The following KCNK2 variants were observed in gnomAD, a reference collection of about 807,000 sequenced individuals.
KCNK2 encodes the protein potassium two pore domain channel subfamily K member 2.
Under a neutral mutation model 40.5 loss-of-function variants are expected in KCNK2, and 21 were observed. The observed-to-expected ratio is 0.52, with a 90% CI of 0.37 to 0.75. The LOEUF (loss-of-function observed/expected upper bound fraction) is 0.75, where lower values mean the gene tolerates loss of function less well. Ranked by LOEUF, KCNK2 falls within the 30% of genes least tolerant of loss-of-function variation. The pLI is 0.00. For synonymous variants in KCNK2, 191 were observed against 202.2 expected, an observed-to-expected ratio of 0.94 and a Z score of 0.47; for missense variants, 399 against 531.6, an observed-to-expected ratio of 0.75 and a Z score of 2.45.
chr1:215,064,116 G>T (rs1658453172), intron 1 of KCNK2, among the ~76,000 whole-genome samples: 1 of 152,040 alleles, frequency 6.6e-6, no homozygotes, highest in South Asian at 2.1e-4. Context: ...GCATTTTTTT[G>T]ATCGTAATAG....
At chr1:215,139,998 A>C (rs1475460731) in intron 3 of KCNK2, among the ~76,000 whole-genome samples, 1 of 152,190 alleles carries the variant, frequency 6.6e-6, no homozygotes, top group East Asian at 1.9e-4. Flanking sequence ...ATTATACCAT[A>C]ATCACTGATT....
chr1:215,093,742 A>AAAAATATATTATATATTATATAATAT lies in KCNK2; in HGVS notation c.357+7087_357+7112dup, dbSNP rs1558087698. Reference sequence around the variant, plus strand: ...TATAAAAATATATAATATATAATATAAAAATATATTATATATTATATAATA... The same window carrying AAAAATATATTATATATTATATAATAT: ...TATAAAAATATATAATATATAATATAAAAATATATTATATATTATATAATATAAAATATATTATATATTATATAATA... On this transcript the variant is annotated intron_variant, in intron 2 of 6. Transcript: ENST00000444842. Among the ~76,000 whole-genome samples the AAAAATATATTATATATTATATAATAT allele has an allele frequency of 4.1e-3, 228 of 55,308 alleles. 2 individuals carry two copies. Among genetic ancestry groups the AAAAATATATTATATATTATATAATAT allele is most frequent in the Non-Finnish European group, 5.1e-3 (182 of 35,492 alleles). 36.3% of individuals were successfully genotyped at this position (55,308 alleles called of 152,430 possible).
chr1:215,116,306 T>C lies in KCNK2; in HGVS notation c.358-8327T>C, dbSNP rs1031870246. Among the ~76,000 whole-genome samples, 6 of 152,112 alleles carry C rather than the reference T, an allele frequency of 3.9e-5. No individual in the cohort carries two copies. In the East Asian group the frequency reaches 5.8e-4, roughly 15 times the overall value. ...TGAATATATGCATGTTGCAAAATACTGTTTTAGGAACCGTGACTGATTTTT... is the reference window on the plus strand; with the variant it reads ...TGAATATATGCATGTTGCAAAATACCGTTTTAGGAACCGTGACTGATTTTT... On this transcript the variant is annotated intron_variant, in intron 2 of 6. Transcript: ENST00000444842.
intron 3 of KCNK2, among the ~76,000 whole-genome samples, chr1:215,135,490 A>G (rs1361547684): frequency 6.6e-6 from 1 of 151,894 alleles, no homozygotes; most frequent in Non-Finnish European, 1.5e-5. Context: ...TATTTTTTAC[A>G]TATTTATTTC....
chr1:215,220,063 G>C (rs1247040169), intron 6 of KCNK2, among the ~76,000 whole-genome samples: 2 of 152,100 alleles, frequency 1.3e-5, no homozygotes, highest in Non-Finnish European at 2.9e-5. Context: ...TGGCTAATGG[G>C]GGTATCACTG....
chr1:215,209,431 A>ATTATAT (rs562818509), intron 6 of KCNK2, among the ~76,000 whole-genome samples: 468 of 10,886 alleles, frequency 0.043, 12 homozygotes, highest in African/African-American at 0.11. Flanking sequence ...TAATATATAT[A>ATTATAT]ATATAAAATA....
At chr1:215,019,178 G>C (rs1656700465) in intron 1 of KCNK2, among the ~76,000 whole-genome samples, 1 of 152,128 alleles carries the variant, frequency 6.6e-6, no homozygotes, top group African/African-American at 2.4e-5. Context: ...AAAATTGGTA[G>C]GTCCTCTTCA....
chr1:215,065,404 G>A (rs1054146040), intron 1 of KCNK2, among the ~76,000 whole-genome samples: 6 of 149,496 alleles, frequency 4.0e-5, no homozygotes, highest in Non-Finnish European at 4.5e-5. Context: ...CAAATATTCA[G>A]AAAAAAAAAA....
At chr1:215,126,272 A>G (rs1558103083) in intron 3 of KCNK2, among the ~76,000 whole-genome samples, 1 of 152,112 alleles carries the variant, frequency 6.6e-6, no homozygotes, top group Non-Finnish European at 1.5e-5. Flanking sequence ...TACATACTTT[A>G]GCATGCTGAT....
At chr1:215,213,598 CA>C (rs1247897106) in intron 6 of KCNK2, among the ~76,000 whole-genome samples, 1 of 151,892 alleles carries the variant, frequency 6.6e-6, no homozygotes, top group Non-Finnish European at 1.5e-5. Context: ...GTGACAAGAG[CA>C]AAACTCTGTC....
chr1:215,185,348 C>G (rs1351533594), intron 5 of KCNK2, among the ~76,000 whole-genome samples: 2 of 152,062 alleles, frequency 1.3e-5, no homozygotes, highest in Non-Finnish European at 2.9e-5. Context: ...GTACTGTAAT[C>G]TTTACATTCC....
intron 3 of KCNK2, among the ~76,000 whole-genome samples, chr1:215,148,218 T>A (rs1455652199): frequency 6.6e-6 from 1 of 151,080 alleles, no homozygotes; most frequent in African/African-American, 2.4e-5. Context: ...CTACTGGGAC[T>A]GCAGGTGCAT....
chr1:215,235,196 G>A lies in KCNK2; in HGVS notation c.*51G>A. 6.8e-7 allele frequency: 1 copy of A among 1,470,564 alleles called. No individual in the cohort carries two copies. 91.1% of individuals were successfully genotyped at this position (1,470,564 alleles called of 1,614,324 possible). A position where few individuals can be genotyped will look rare whatever the true frequency, so the allele number is the denominator to read the frequency against. On this transcript the variant is annotated 3_prime_UTR_variant, in exon 7 of 7. Transcript: ENST00000444842. Reference sequence around the variant, plus strand: ...TAGCCATAGGTGAGGACTTCTCTATGCTCTTTATGACTGTTGCTGGTAGCA... The same window carrying A: ...TAGCCATAGGTGAGGACTTCTCTATACTCTTTATGACTGTTGCTGGTAGCA...
In KCNK2 at chr1:215,150,053, C is replaced by T. The variant is rs140861527; in HGVS notation, c.476-19146C>T. ...CGGAACTTCTGATTATAGAACTGAT[C>T]GTTATGATCTAGTAAGATCAGTCTT... On this transcript the variant is annotated intron_variant, in intron 3 of 6. Transcript: ENST00000444842. Among the ~76,000 whole-genome samples the T allele has an allele frequency of 2.5e-3, 386 of 152,174 alleles. 2 individuals are homozygous for T. The highest frequency in any genetic ancestry group is 9.2e-3 in the African/African-American group (380 of 41,528).
At chr1:215,228,576 A>AT (rs947514267) in intron 6 of KCNK2, among the ~76,000 whole-genome samples, 1 of 152,042 alleles carries the variant, frequency 6.6e-6, no homozygotes, top group African/African-American at 2.4e-5. Flanking sequence ...ATTCATTGTG[A>AT]TTTTTTGGAG....
At chr1:215,197,851 T>TCTCTAC (rs1664928557) in intron 6 of KCNK2, among the ~76,000 whole-genome samples, 1 of 151,994 alleles carries the variant, frequency 6.6e-6, no homozygotes, top group Non-Finnish European at 1.5e-5. Context: ...AATACAAAAA[T>TCTCTAC]TAGCTGGGCA....
chr1:215,083,180 G>C lies in KCNK2; in HGVS notation c.-206G>C, dbSNP rs1659248683. 1 of 1,133,396 alleles carries C rather than the reference G, an allele frequency of 8.8e-7. No homozygotes were observed. The highest frequency in any genetic ancestry group is 1.3e-6 in the Non-Finnish European group (1 of 789,046). The allele number at this position is 1,133,396 out of a possible 1,614,324, so 70.2% of individuals were successfully genotyped here. A position where few individuals can be genotyped will look rare whatever the true frequency, so the allele number is the denominator to read the frequency against. ...GGTGTCCCCTCCTTCCCGCGATTTC[G>C]TTTCTTCTCACGCTCCCCCCCCCGC... On this transcript the variant is annotated 5_prime_UTR_variant, in exon 1 of 7. Transcript: ENST00000444842.
intron 3 of KCNK2, among the ~76,000 whole-genome samples, chr1:215,142,619 GT>G (rs1323024265): frequency 3.3e-5 from 5 of 152,054 alleles, no homozygotes; most frequent in African/African-American, 7.2e-5. Context: ...AGACAGTGAA[GT>G]TGGAGCCTCA....
chr1:215,008,074 C>T (rs567398177), intron 1 of KCNK2, among the ~76,000 whole-genome samples: 1 of 150,726 alleles, frequency 6.6e-6, no homozygotes, highest in African/African-American at 2.4e-5. Context: ...AATTCTGGGA[C>T]CTTGACCAAG....
Sources: gnomAD v4.1 joint callset for allele counts (sites outside exome capture counted in the v4.1 genomes callset) on GRCh38, gnomAD v4.1.1 for gene constraint, MANE v1.5 for transcripts, NCBI Gene and HGNC (gene_info 2026-07-23, HGNC 2026-07-21) for gene names.